The following MAF variants were observed in gnomAD, a reference collection of about 807,000 sequenced individuals.
MAF encodes the protein MAF bZIP transcription factor, also known as transcription factor Maf.
Under a neutral mutation model 22.0 loss-of-function variants are expected in MAF, and 10 were observed. That is an observed-to-expected ratio of 0.45 (90% CI 0.28 to 0.77). The LOEUF is 0.77. Among genes scored for constraint, MAF ranks in the 30% least tolerant of loss-of-function variants. The pLI is 0.12. For missense variants in MAF, 544 were observed against 548.4 expected, an observed-to-expected ratio of 0.99 and a Z score of 0.08; for synonymous variants, 337 against 255.8, an observed-to-expected ratio of 1.32 and a Z score of -3.03.
rs1177654429 is a variant in MAF at position 79,598,879 on chromosome 16, C to T, written c.1024G>A (p.Asp342Asn). 2 of 1,613,820 alleles carry T rather than the reference C, an allele frequency of 1.2e-6. No individual in the cohort carries two copies. The highest frequency in any genetic ancestry group is 4.5e-5 in the East Asian group (2 of 44,786). The change falls in exon 1 of 2, where the codon GAC becomes AAC. Residue 342 changes from aspartate to asparagine, a missense_variant. Physicochemically the swap from Asp to Asn is conservative, Grantham distance 23. Transcript: ENST00000326043. Reference sequence around the variant, plus strand: ...TTCTCGTATTTCTCCTTGTACGCGTCCCTCTCGCGCACCAGCCTGGAGATC... The same window carrying T: ...TTCTCGTATTTCTCCTTGTACGCGTTCCTCTCGCGCACCAGCCTGGAGATC... ...QEISRLVRERDAYKEKYEKLV... is the reference protein window; with the variant it reads ...QEISRLVRERNAYKEKYEKLV...
the MAF span, among the ~76,000 whole-genome samples, chr16:79,517,434 C>G: frequency 6.6e-6 from 1 of 152,214 alleles, no homozygotes; most frequent in Non-Finnish European, 1.5e-5. Flanking sequence ...AGTAACCTGG[C>G]AGCAAACATA....
At chr16:79,354,174 G>C in the MAF span, among the ~76,000 whole-genome samples, 1 of 151,840 alleles carries the variant, frequency 6.6e-6, no homozygotes. Context: ...TGGGTTTTCA[G>C]TAGAGATAGA....
chr16:79,473,717 G>C, the MAF span, among the ~76,000 whole-genome samples: 43 of 152,146 alleles, frequency 2.8e-4, no homozygotes, highest in African/African-American at 1.0e-3. Flanking sequence ...ACCATGCCCA[G>C]ACAGACAATA....
the MAF span, among the ~76,000 whole-genome samples, chr16:79,252,646 C>A: frequency 6.6e-6 from 1 of 152,072 alleles, no homozygotes; most frequent in Non-Finnish European, 1.5e-5. Flanking sequence ...CTCGGTACCA[C>A]GCTTGGCTAA....
chr16:79,479,265 T>G, the MAF span, among the ~76,000 whole-genome samples: 1 of 152,224 alleles, frequency 6.6e-6, no homozygotes, highest in Non-Finnish European at 1.5e-5. Flanking sequence ...TGTACCATCA[T>G]ACCTTTCTAC....
chr16:79,392,699 A>T, the MAF span, among the ~76,000 whole-genome samples: 3 of 152,292 alleles, frequency 2.0e-5, no homozygotes, highest in East Asian at 5.8e-4. Context: ...GACTTAGAGC[A>T]CATGTGAAAC....
the MAF span, among the ~76,000 whole-genome samples, chr16:79,386,808 A>G: frequency 6.6e-6 from 1 of 152,140 alleles, no homozygotes; most frequent in Admixed American, 6.5e-5. Flanking sequence ...CTTAGAGCCA[A>G]AAGAAGACAG....
the MAF span, among the ~76,000 whole-genome samples, chr16:79,232,276 T>C: frequency 6.6e-6 from 1 of 152,082 alleles, no homozygotes; most frequent in Non-Finnish European, 1.5e-5. Flanking sequence ...ATGGCTGGGT[T>C]GGTGAAATGT....
the MAF span, among the ~76,000 whole-genome samples, chr16:79,340,499 T>G: frequency 6.6e-6 from 1 of 151,356 alleles, no homozygotes; most frequent in Non-Finnish European, 1.5e-5. Flanking sequence ...TTTCTGGAAT[T>G]TGCATTCTAG....
chr16:79,523,490 A>T, the MAF span, among the ~76,000 whole-genome samples: 1 of 152,210 alleles, frequency 6.6e-6, no homozygotes, highest in African/African-American at 2.4e-5. Context: ...TTGTTCACTC[A>T]TTCTAAAATA....
At chr16:79,218,161 G>A in the MAF span, among the ~76,000 whole-genome samples, 2 of 152,024 alleles carry the variant, frequency 1.3e-5, no homozygotes, top group African/African-American at 2.4e-5. Context: ...ACAGCTCTGA[G>A]TTGTATCTAT....
At chr16:79,588,634 G>A (rs568789600) in intron 1 of MAF, among the ~76,000 whole-genome samples, 17 of 151,968 alleles carry the variant, frequency 1.1e-4, no homozygotes, top group African/African-American at 3.6e-4. Flanking sequence ...GCTAACTTAT[G>A]TATTTTTAGT....
At chr16:79,486,597 G>C in the MAF span, among the ~76,000 whole-genome samples, 1 of 152,180 alleles carries the variant, frequency 6.6e-6, no homozygotes, top group Non-Finnish European at 1.5e-5. Context: ...TTTGGTTATT[G>C]CTCATTCAAC....
At chr16:79,291,791 A>G in the MAF span, among the ~76,000 whole-genome samples, 4 of 147,432 alleles carry the variant, frequency 2.7e-5, no homozygotes, top group African/African-American at 1.0e-4. Context: ...GATGGTAGGA[A>G]CTGAGCTAGA....
At chr16:79,384,246 C>A in the MAF span, among the ~76,000 whole-genome samples, 1 of 151,482 alleles carries the variant, frequency 6.6e-6, no homozygotes, top group Non-Finnish European at 1.5e-5. Context: ...GAGTTCGAGA[C>A]CAGCCTGGCC....
At chr16:79,337,846 A>C in the MAF span, among the ~76,000 whole-genome samples, 1 of 152,202 alleles carries the variant, frequency 6.6e-6, no homozygotes, top group Non-Finnish European at 1.5e-5. Flanking sequence ...GCCACACTGT[A>C]AGTTCCAAGT....
At chr16:79,259,501 C>T in the MAF span, among the ~76,000 whole-genome samples, 3 of 152,134 alleles carry the variant, frequency 2.0e-5, no homozygotes, top group Non-Finnish European at 4.4e-5. Flanking sequence ...GGCTCCATGA[C>T]ACTAAGTGCT....
chr16:79,510,878 T>C, the MAF span, among the ~76,000 whole-genome samples: 1 of 152,214 alleles, frequency 6.6e-6, no homozygotes, highest in East Asian at 1.9e-4. Context: ...TGTGTGTCTA[T>C]ATGTGTGGTT....
At chr16:79,331,815 T>C in the MAF span, among the ~76,000 whole-genome samples, 1 of 152,150 alleles carries the variant, frequency 6.6e-6, no homozygotes, top group Non-Finnish European at 1.5e-5. Context: ...CCTATCCCTT[T>C]TGCCTAGAAT....
Sources: allele counts gnomAD v4.1 joint callset (sites outside exome capture counted in the v4.1 genomes callset), GRCh38; gene constraint gnomAD v4.1.1; transcripts MANE v1.5; gene names NCBI Gene and HGNC (gene_info 2026-07-23, HGNC 2026-07-21).